The following ARID5B variants were observed in gnomAD, a reference collection of about 807,000 sequenced individuals.
ARID5B encodes the protein AT-rich interaction domain 5B.
In ARID5B, 13 loss-of-function variants were observed where a neutral mutation model predicts 97.2. That is an observed-to-expected ratio of 0.13 (90% CI 0.09 to 0.21). ARID5B has a LOEUF of 0.21. ARID5B is among the 10% of genes least tolerant of loss of function. The probability of loss-of-function intolerance (pLI) is 1.00; values close to 1 mark genes in which losing one functional copy is unlikely to be tolerated. For synonymous variants in ARID5B, 556 were observed against 570.3 expected (o/e 0.97, Z 0.36); for missense variants, 1,210 against 1,465.3 (o/e 0.83, Z 2.84).
chr10:62,087,081 C>T lies in ARID5B; in HGVS notation c.1398+1181C>T, dbSNP rs148683575. The stretch of plus-strand genomic sequence containing the variant: ...TTTGGGAGGCCGAGGCGGTGGATCA[C>T]GAGGTCAGGAGATCGAGAGCATCCT... On this transcript the variant is annotated intron_variant, in intron 9 of 9. Transcript: ENST00000279873. Among the ~76,000 whole-genome samples, 845 of 151,944 alleles carry T rather than the reference C, an allele frequency of 5.6e-3. 7 individuals carry two copies. Among genetic ancestry groups the T allele is most frequent in the African/African-American group, 0.019 (803 of 41,450 alleles).
chr10:62,025,761 G>A (rs1055389247), intron 4 of ARID5B, among the ~76,000 whole-genome samples: 1 of 145,474 alleles, frequency 6.9e-6, no homozygotes, highest in Non-Finnish European at 1.5e-5. Flanking sequence ...CACATTTTAT[G>A]TGTACAATCA....
intron 3 of ARID5B, among the ~76,000 whole-genome samples, chr10:61,994,942 CT>C (rs201311738): frequency 2.6e-5 from 4 of 151,808 alleles, no homozygotes; most frequent in Non-Finnish European, 5.9e-5. Flanking sequence ...TAGGCATTCA[CT>C]TTTTTTTGGT....
intron 3 of ARID5B, among the ~76,000 whole-genome samples, chr10:61,983,788 TA>T (rs1170331551): frequency 2.0e-4 from 31 of 152,086 alleles, no homozygotes; most frequent in African/African-American, 7.5e-4. Flanking sequence ...AATGGTAGAC[TA>T]TGTACTTGAT....
At chr10:62,068,318 T>C (rs545922158) in intron 7 of ARID5B, among the ~76,000 whole-genome samples, 2 of 152,300 alleles carry the variant, frequency 1.3e-5, no homozygotes, top group South Asian at 4.1e-4. Context: ...TTGAAACCGA[T>C]TGGTGCAAGA....
In ARID5B at chr10:62,069,703, A is replaced by G; in HGVS notation, c.1105A>G (p.Thr369Ala). Residue 369 changes from threonine (T) to alanine (A), a missense_variant, in exon 8 of 10, where the codon ACA (threonine) becomes GCA (alanine). Thr to Ala is a moderately conservative substitution (Grantham distance 58). Coordinates refer to ENST00000279873, the MANE Select transcript of ARID5B (RefSeq NM_032199.3). The stretch of plus-strand genomic sequence containing the variant: ...TTTCCCATTGCCATTTTTTCAGATA[A>G]CAGCCCGCCGTCAGTGGAAACATAT... ...AQKLGGYETITARRQWKHIYD... is the reference protein window; with the variant it reads ...AQKLGGYETIAARRQWKHIYD... The G allele has an allele frequency of 6.2e-7, 1 of 1,614,064 alleles. No homozygotes were observed. The highest frequency in any genetic ancestry group is 8.5e-7 in the Non-Finnish European group (1 of 1,179,950).
intron 3 of ARID5B, among the ~76,000 whole-genome samples, chr10:61,959,258 A>C (rs1469503420): frequency 2.6e-5 from 4 of 152,224 alleles, no homozygotes; most frequent in Non-Finnish European, 5.9e-5. Context: ...TTTCTCCTGA[A>C]GGCAATGTTA....
intron 3 of ARID5B, among the ~76,000 whole-genome samples, chr10:61,963,245 TA>T (rs1469142928): frequency 6.6e-6 from 1 of 152,204 alleles, no homozygotes; most frequent in African/African-American, 2.4e-5. Flanking sequence ...TTCTGTAAGT[TA>T]AAAAAGACAA....
At chr10:61,986,461 A>G (rs117927050) in intron 3 of ARID5B, among the ~76,000 whole-genome samples, 3,037 of 152,256 alleles carry the variant, frequency 0.02, 30 homozygotes, top group Non-Finnish European at 0.026. Context: ...AATTGCTGTA[A>G]TCAACATTCG....
chr10:62,089,154 C>T (rs977814471), intron 9 of ARID5B, among the ~76,000 whole-genome samples: 5 of 151,998 alleles, frequency 3.3e-5, no homozygotes, highest in African/African-American at 1.2e-4. Flanking sequence ...ACTCATTTGT[C>T]TTTATTTTTG....
intron 4 of ARID5B, chr10:62,025,363 A>G (rs1320927722): frequency 6.6e-6 from 1 of 152,226 alleles, no homozygotes; most frequent in Non-Finnish European, 1.5e-5. Context: ...GAATTCAGTG[A>G]CATTACTTTG....
At chr10:61,963,964 G>A (rs1324682957) in intron 3 of ARID5B, among the ~76,000 whole-genome samples, 1 of 152,108 alleles carries the variant, frequency 6.6e-6, no homozygotes, top group Non-Finnish European at 1.5e-5. Context: ...ATCTGCCCCA[G>A]AGTGATTTTA....
intron 3 of ARID5B, among the ~76,000 whole-genome samples, chr10:61,996,415 G>A (rs1838997194): frequency 6.6e-6 from 1 of 152,112 alleles, no homozygotes; most frequent in Non-Finnish European, 1.5e-5. Context: ...CAAACTGGGA[G>A]TTCAAAGATT....
At chr10:62,015,454 C>G (rs774842859) in intron 4 of ARID5B, among the ~76,000 whole-genome samples, 10 of 152,198 alleles carry the variant, frequency 6.6e-5, no homozygotes, top group Non-Finnish European at 1.5e-4. Flanking sequence ...AGTAGCCTAT[C>G]AACTGTTCTA....
intron 7 of ARID5B, among the ~76,000 whole-genome samples, chr10:62,059,878 T>C (rs1257071402): frequency 6.6e-6 from 1 of 152,194 alleles, no homozygotes; most frequent in African/African-American, 2.4e-5. Context: ...ACAGGAAAAT[T>C]TGATGGCCAC....
chr10:61,950,885 C>T (rs1462293747), intron 3 of ARID5B, among the ~76,000 whole-genome samples: 1 of 152,150 alleles, frequency 6.6e-6, no homozygotes. Flanking sequence ...ATAGCATCAC[C>T]TTGGAACACA....
At chr10:62,031,035 A>T (rs12781780) in intron 4 of ARID5B, among the ~76,000 whole-genome samples, 27,139 of 152,088 alleles carry the variant, frequency 0.18, 2,670 homozygotes, top group Middle Eastern at 0.26. Context: ...GGAGATCGAG[A>T]CCATCCTGGC....
chr10:62,079,490 A>T (rs577059905), intron 8 of ARID5B, among the ~76,000 whole-genome samples: 1 of 152,306 alleles, frequency 6.6e-6, no homozygotes, highest in South Asian at 2.1e-4. Context: ...ATGCCTAATC[A>T]ATATATATGA....
intron 2 of ARID5B, among the ~76,000 whole-genome samples, chr10:61,925,094 A>C (rs1458011536): frequency 6.6e-6 from 1 of 151,936 alleles, no homozygotes; most frequent in African/African-American, 2.4e-5. Context: ...AATCCCAGCT[A>C]CTCGGGAGGC....
chr10:61,990,730 CTT>C (rs1204815810), intron 3 of ARID5B, among the ~76,000 whole-genome samples: 1 of 152,156 alleles, frequency 6.6e-6, no homozygotes, highest in East Asian at 1.9e-4. Context: ...ATGTTCCCCT[CTT>C]TGTCATTGTT....
Sources: gnomAD v4.1 joint callset for allele counts (sites outside exome capture counted in the v4.1 genomes callset) on GRCh38, gnomAD v4.1.1 for gene constraint, MANE v1.5 for transcripts, NCBI Gene and HGNC (gene_info 2026-07-23, HGNC 2026-07-21) for gene names.